The following LMBRD1 variants were observed in gnomAD, a reference collection of about 807,000 sequenced individuals.
LMBRD1 encodes LMBR1 domain containing 1, also known as lysosomal cobalamin transport escort protein LMBD1.
LMBRD1 carries 64 observed loss-of-function variants against 74.8 expected under a neutral mutation model. The observed-to-expected ratio is 0.86, with a 90% confidence interval of 0.70 to 1.05. The LOEUF is 1.05. Among genes scored for constraint, LMBRD1 ranks in the 50% least tolerant of loss-of-function variants. The pLI is 0.00. For missense variants in LMBRD1, 652 were observed against 645.9 expected, an observed-to-expected ratio of 1.01 and a Z score of -0.10; for synonymous variants, 204 against 216.3, an observed-to-expected ratio of 0.94 and a Z score of 0.50.
At chr6:69,752,681 T>C (rs1765185171) in intron 3 of LMBRD1, among the ~76,000 whole-genome samples, 1 of 152,206 alleles carries the variant, frequency 6.6e-6, no homozygotes, top group Non-Finnish European at 1.5e-5. Flanking sequence ...GCTGAGAACG[T>C]CCTATAAACC....
At chr6:69,772,055 A>G (rs1004452467) in intron 3 of LMBRD1, among the ~76,000 whole-genome samples, 2 of 152,198 alleles carry the variant, frequency 1.3e-5, no homozygotes, top group African/African-American at 4.8e-5. Flanking sequence ...AAAAAAACCT[A>G]CTGTATGACA....
intron 7 of LMBRD1, among the ~76,000 whole-genome samples, chr6:69,725,780 C>T (rs181044549): frequency 6.0e-4 from 92 of 152,196 alleles, no homozygotes; most frequent in African/African-American, 2.1e-3. Flanking sequence ...TACTATGAAA[C>T]GACTTCAAGA....
rs2149831597 is a variant in LMBRD1 at position 69,675,026 on chromosome 6, T to C, written c.*1132A>G. On this transcript the variant is annotated 3_prime_UTR_variant, in exon 16 of 16. Coordinates refer to ENST00000649934, the MANE Select transcript of LMBRD1 (RefSeq NM_018368.4). Reference sequence around the variant, plus strand: ...ATAAGAACAGAAGGGAATGAAATCCTGGTGAATAATGCTAAAGGGTAGTTG... The same window carrying C: ...ATAAGAACAGAAGGGAATGAAATCCCGGTGAATAATGCTAAAGGGTAGTTG... Among the ~76,000 whole-genome samples the C allele has an allele frequency of 6.6e-6, 1 of 151,788 alleles. No individual in the cohort carries two copies. The highest frequency in any genetic ancestry group is 2.4e-5 in the African/African-American group (1 of 41,394).
chr6:69,746,978 T>TCAGACCC (rs1767247732), intron 5 of LMBRD1: 1 of 150,068 alleles, frequency 6.7e-6, no homozygotes, highest in African/African-American at 2.5e-5. Flanking sequence ...AGTTTCTGTG[T>TCAGACCC]CAGACCCCCT....
chr6:69,701,546 CT>C lies in LMBRD1; in HGVS notation c.981-2del. On this transcript the variant is annotated splice_acceptor_variant, in intron 10 of 15. Coordinates refer to ENST00000649934, the MANE Select transcript of LMBRD1 (RefSeq NM_018368.4). LOFTEE classifies it high-confidence loss of function. ...AGCTGAATGAAGAGCTTTATCTAAA[CT>C]AAAAAAAATTACAAAGAATGAAATT... The C allele has an allele frequency of 6.4e-7, 1 of 1,564,762 alleles. No individual in the cohort carries two copies. The highest frequency in any genetic ancestry group is 8.8e-7 in the Non-Finnish European group (1 of 1,140,422).
At chr6:69,796,636 C>A (rs965250901) in intron 1 of LMBRD1, among the ~76,000 whole-genome samples, 177 bp downstream of exon 1, 4 of 152,092 alleles carry the variant, frequency 2.6e-5, no homozygotes, top group Non-Finnish European at 4.4e-5. Flanking sequence ...GAAATCGACA[C>A]CCCCCTGCCC....
chr6:69,772,131 G>A (rs1765589226), intron 3 of LMBRD1, among the ~76,000 whole-genome samples: 2 of 152,152 alleles, frequency 1.3e-5, no homozygotes, highest in Admixed American at 1.3e-4. Context: ...GTAGAGTTCT[G>A]TAACGGTTGG....
At chr6:69,782,250 T>A (rs1351964523) in intron 2 of LMBRD1, among the ~76,000 whole-genome samples, 1 of 152,250 alleles carries the variant, frequency 6.6e-6, no homozygotes, top group Non-Finnish European at 1.5e-5. Flanking sequence ...TACAAAGCGA[T>A]AAGCTAGCCC....
At chr6:69,786,826 C>T (rs572503865) in intron 2 of LMBRD1, among the ~76,000 whole-genome samples, 2 of 152,248 alleles carry the variant, frequency 1.3e-5, no homozygotes, top group South Asian at 4.2e-4. Flanking sequence ...TGGGCACCTT[C>T]TGTTTTTAAG....
At chr6:69,716,246 G>A (rs1766487340) in intron 8 of LMBRD1, among the ~76,000 whole-genome samples, 2 of 152,130 alleles carry the variant, frequency 1.3e-5, no homozygotes. Context: ...CAGTGTTTAA[G>A]CCTTCTCTTT....
Position 69,675,997 on chromosome 6 carries a change from C to A in LMBRD1, c.*161G>T. The A allele has an allele frequency of 3.1e-6, 2 of 637,302 alleles. No homozygotes were observed. Among genetic ancestry groups the A allele is most frequent in the South Asian group, 1.8e-5 (1 of 55,142 alleles). The allele number at this position is 637,302 out of a possible 1,614,324, so 39.5% of individuals were successfully genotyped here. A position where few individuals can be genotyped will look rare whatever the true frequency, so the allele number is the denominator to read the frequency against. ...TAATTTAAAATGTTAATCTATGATACAATGTTACTTCAGAAAACATATAAT... is the reference window on the plus strand; with the variant it reads ...TAATTTAAAATGTTAATCTATGATAAAATGTTACTTCAGAAAACATATAAT... On this transcript the variant is annotated 3_prime_UTR_variant, in exon 16 of 16. Transcript: ENST00000649934.
rs553413330 is a variant in LMBRD1, at chr6:69,754,055, G to A, written c.308-1699C>T. 1.1e-4 allele frequency among the ~76,000 whole-genome samples: 17 copies of A among 152,120 alleles called. 1 individual carries two copies. In the South Asian group the frequency reaches 2.5e-3, roughly 22 times the overall value. On this transcript the variant is annotated intron_variant, in intron 3 of 15. Transcript: ENST00000649934. The stretch of plus-strand genomic sequence containing the variant: ...AAGCCAGTCACAAAAAGACAAATAC[G>A]ATATGACTCTACTTATATGAGGTAC...
intron 3 of LMBRD1, among the ~76,000 whole-genome samples, chr6:69,754,415 A>G (rs1265613204): frequency 6.6e-6 from 1 of 152,232 alleles, no homozygotes. Flanking sequence ...TCTGGAGGAC[A>G]CTTATGAAAC....
chr6:69,774,189 G>A (rs1410510626), intron 3 of LMBRD1, among the ~76,000 whole-genome samples: 4 of 152,142 alleles, frequency 2.6e-5, no homozygotes, highest in Non-Finnish European at 1.5e-5. Flanking sequence ...GAGATCTGAT[G>A]GTTTTACATA....
chr6:69,697,681 TAATA>T (rs1482564223), intron 13 of LMBRD1, 40 bp from the exon 14 acceptor site: 13 of 1,179,026 alleles, frequency 1.1e-5, no homozygotes, highest in East Asian at 4.7e-5. Context: ...AAAACCGCAT[TAATA>T]AATACATTTG....
chr6:69,698,176 C>T (rs562970967), intron 13 of LMBRD1, among the ~76,000 whole-genome samples: 52 of 152,040 alleles, frequency 3.4e-4, no homozygotes, highest in Admixed American at 9.2e-4. Flanking sequence ...ATCTGTTTCA[C>T]CTACATTATA....
intron 9 of LMBRD1, among the ~76,000 whole-genome samples, chr6:69,704,903 A>ATTTGT: frequency 1.3e-5 from 1 of 76,042 alleles, no homozygotes; most frequent in African/African-American, 6.4e-5. Context: ...GGGATTGGAC[A>ATTTGT]TTTGTTTTTT....
At chr6:69,783,889 A>C (rs983418670) in intron 2 of LMBRD1, among the ~76,000 whole-genome samples, 1 of 152,216 alleles carries the variant, frequency 6.6e-6, no homozygotes, top group Non-Finnish European at 1.5e-5. Context: ...AAAAAGTCTG[A>C]AGGTTAACTT....
chr6:69,790,304 T>C lies in LMBRD1; in HGVS notation c.238A>G (p.Thr80Ala). Residue 80 changes from threonine (T) to alanine (A), a missense_variant, in exon 2 of 16, where the codon ACA (threonine) becomes GCA (alanine). By Grantham distance (58) the Thr-to-Ala change is moderately conservative (BLOSUM62 0). This residue lies in a region of LMBRD1 where 598 missense variants were observed against 581.8 expected (regional missense o/e 1.03). Transcript: ENST00000649934. The part of the protein sequence containing the change: ...LVSYMKNQNG[T>A]FKDWANANVS... Reference sequence around the variant, plus strand: ...AGTAAGATTATATTTACCTTAAATGTACCATTTTGATTTTTCATGTAAGAA... The same window carrying C: ...AGTAAGATTATATTTACCTTAAATGCACCATTTTGATTTTTCATGTAAGAA... 6.2e-7 allele frequency: 1 copy of C among 1,606,342 alleles called. No homozygotes were observed. Among genetic ancestry groups the C allele is most frequent in the South Asian group, 1.1e-5 (1 of 90,896 alleles).
Sources: gnomAD v4.1 joint callset for allele counts (sites outside exome capture counted in the v4.1 genomes callset) on GRCh38, gnomAD v4.1.1 for gene constraint, gnomAD v4.1.1 regional missense constraint, MANE v1.5 for transcripts, NCBI Gene and HGNC (gene_info 2026-07-23, HGNC 2026-07-21) for gene names.